ADCK2: variants seen among roughly 807,000 people sequenced by gnomAD.
The protein encoded by ADCK2 is uncharacterized aarF domain-containing protein kinase 2.
A neutral mutation model predicts 52.3 loss-of-function variants in ADCK2; 37 were observed. That is an observed-to-expected ratio of 0.71 (90% CI 0.54 to 0.93). The LOEUF (loss-of-function observed/expected upper bound fraction) is 0.93. Among genes scored for constraint, ADCK2 ranks in the 40% least tolerant of loss-of-function variants. ADCK2 has a pLI of 0.00. For missense variants in ADCK2, 695 were observed against 798.7 expected, an observed-to-expected ratio of 0.87 and a Z score of 1.56; for synonymous variants, 321 against 349.2, an observed-to-expected ratio of 0.92 and a Z score of 0.90.
At chr7:140,686,921 C>T (rs1207840702) in intron 4 of ADCK2, 69 bp from the exon 5 acceptor site, 17 of 1,574,932 alleles carry the variant, frequency 1.1e-5, no homozygotes, top group Non-Finnish European at 1.5e-5. Flanking sequence ...CACCTGGCAA[C>T]TTTCTTTCTC....
At position 140,675,481 on chromosome 7, in the gene ADCK2, A is replaced by G. The variant is rs540954977; in HGVS notation, c.1080+724A>G. 5.3e-5 allele frequency among the ~76,000 whole-genome samples: 8 copies of G among 152,164 alleles called. No individual in the cohort carries two copies. In the South Asian group the frequency reaches 1.7e-3, roughly 32 times the overall value. On this transcript the variant is annotated intron_variant, in intron 2 of 7. Coordinates refer to ENST00000072869, the MANE Select transcript of ADCK2 (RefSeq NM_052853.4). The stretch of plus-strand genomic sequence containing the variant: ...CTACTCCCTAGTTTCAGGGGACTCA[A>G]TTTCTTCCCAAGTTTGGCACTGCCT...
At chr7:140,676,609 T>C (rs1794423377) in intron 2 of ADCK2, among the ~76,000 whole-genome samples, 1 of 152,228 alleles carries the variant, frequency 6.6e-6, no homozygotes, top group African/African-American at 2.4e-5. Flanking sequence ...CTACTAAGCC[T>C]GTGTCCGTCT....
intron 4 of ADCK2, among the ~76,000 whole-genome samples, chr7:140,684,890 C>CG (rs1794579472): frequency 6.6e-6 from 1 of 152,004 alleles, no homozygotes; most frequent in South Asian, 2.1e-4. Context: ...AGTCAGAACC[C>CG]GGTGGCAAGA....
At chr7:140,694,614 C>T in intron 7 of ADCK2, 49 bp from the exon 8 acceptor site, 1 of 1,566,926 alleles carries the variant, frequency 6.4e-7, no homozygotes, top group Non-Finnish European at 8.7e-7. Context: ...GAACACACGT[C>T]CCTGTATCAG....
chr7:140,689,752 G>A (rs761924961), intron 6 of ADCK2, 27 bp downstream of exon 6: 2 of 1,593,488 alleles, frequency 1.3e-6, no homozygotes, highest in Non-Finnish European at 1.7e-6. Context: ...CGGAACAGGG[G>A]CTGGGGAGTC....
At chr7:140,676,937 C>T (rs1300159083) in intron 2 of ADCK2, among the ~76,000 whole-genome samples, 5 of 152,152 alleles carry the variant, frequency 3.3e-5, no homozygotes, top group South Asian at 2.1e-4. Flanking sequence ...GTGGGAGAAT[C>T]GCTTGAATCT....
intron 4 of ADCK2, 53 bp from the exon 5 acceptor site, chr7:140,686,926 TTTCTCTGTAGG>T (rs1400556233): frequency 1.0e-5 from 16 of 1,579,346 alleles, no homozygotes. Flanking sequence ...GGCAACTTTC[TTTCTCTGTAGG>T]TTGGTGGTGC....
intron 4 of ADCK2, among the ~76,000 whole-genome samples, chr7:140,682,517 G>C (rs1794533655): frequency 6.6e-6 from 1 of 152,074 alleles, no homozygotes; most frequent in Non-Finnish European, 1.5e-5. Context: ...ACCACAAAGG[G>C]TCTAGTAAAT....
At chr7:140,682,397 C>A (rs999165701) in intron 4 of ADCK2, among the ~76,000 whole-genome samples, 3 of 151,922 alleles carry the variant, frequency 2.0e-5, no homozygotes, top group African/African-American at 7.3e-5. Flanking sequence ...GCATGGTGCT[C>A]TTGGAGAGAC....
At chr7:140,682,397 C>T (rs999165701) in intron 4 of ADCK2, among the ~76,000 whole-genome samples, 6 of 151,922 alleles carry the variant, frequency 3.9e-5, no homozygotes, top group African/African-American at 1.5e-4. Flanking sequence ...GCATGGTGCT[C>T]TTGGAGAGAC....
In ADCK2 at chr7:140,691,877, C is replaced by T. The variant is rs576808228; in HGVS notation, c.1740+1064C>T. ...GCCTGCTGCTGGGTCCTCCCGCCTC[C>T]GTGGCTCACTCTGAGCATCTGCTCC... On this transcript the variant is annotated intron_variant, in intron 7 of 7. Transcript: ENST00000072869. Among the ~76,000 whole-genome samples, 9 of 152,324 alleles carry T rather than the reference C, an allele frequency of 5.9e-5. No individual in the cohort carries two copies. The South Asian group carries it at 6.2e-4, about 11-fold the overall frequency.
chr7:140,684,648 G>A (rs1056811903), intron 4 of ADCK2, among the ~76,000 whole-genome samples: 1 of 152,200 alleles, frequency 6.6e-6, no homozygotes. Flanking sequence ...GGCACGTCTG[G>A]AGTCCCCGCA....
chr7:140,692,008 C>G (rs565445357), intron 7 of ADCK2, among the ~76,000 whole-genome samples: 1 of 152,344 alleles, frequency 6.6e-6, no homozygotes, highest in Non-Finnish European at 1.5e-5. Flanking sequence ...AGCTACTGCA[C>G]TCCAAGCACT....
At chr7:140,683,203 T>C (rs1346110500) in intron 4 of ADCK2, among the ~76,000 whole-genome samples, 1 of 151,982 alleles carries the variant, frequency 6.6e-6, no homozygotes, top group East Asian at 1.9e-4. Flanking sequence ...CGGAATTGCT[T>C]GAACCCAGGA....
chr7:140,687,338 G>C (rs1263220510), intron 5 of ADCK2, 97 bp downstream of exon 5: 1 of 1,439,982 alleles, frequency 6.9e-7, no homozygotes, highest in Non-Finnish European at 9.2e-7. Flanking sequence ...CCAGCACTTT[G>C]GAAGCCTGAG....
At chr7:140,680,959 A>C in intron 3 of ADCK2, 83 bp from the exon 4 acceptor site, 1 of 1,189,944 alleles carries the variant, frequency 8.4e-7, no homozygotes, top group Non-Finnish European at 1.3e-6. Context: ...GTGAGAAGAC[A>C]GCGCTGTGGT....
At chr7:140,675,040 C>G (rs1319437589) in intron 2 of ADCK2, among the ~76,000 whole-genome samples, 2 of 151,986 alleles carry the variant, frequency 1.3e-5, no homozygotes, top group Admixed American at 1.3e-4. Flanking sequence ...GCCAGGAGTT[C>G]GAGATCAGCC....
At chr7:140,679,026 C>T (rs1205768965) in intron 2 of ADCK2, 129 bp from the exon 3 acceptor site, 1 of 1,247,372 alleles carries the variant, frequency 8.0e-7, no homozygotes, top group African/African-American at 1.5e-5. Flanking sequence ...AGTTTCTGGG[C>T]AAGTTCTGCG....
In ADCK2 at chr7:140,681,034, T is replaced by G. The variant is rs774475181; in HGVS notation, c.1210-8T>G. The G allele has an allele frequency of 5.0e-6, 8 of 1,613,734 alleles. No individual in the cohort carries two copies. The highest frequency in any genetic ancestry group is 8.5e-7 in the Non-Finnish European group (1 of 1,179,754). On this transcript the variant is annotated splice_polypyrimidine_tract_variant and splice_region_variant and intron_variant, in intron 3 of 7. Transcript: ENST00000072869. ...GATTAAGCTGTTCTCTCCCTGGTCT[T>G]TCTGAAGGAGAGTGTGCCTGTGTCC...
Sources: gnomAD v4.1 joint callset for allele counts (sites outside exome capture counted in the v4.1 genomes callset) on GRCh38, gnomAD v4.1.1 for gene constraint, MANE v1.5 for transcripts, NCBI Gene and HGNC (gene_info 2026-07-23, HGNC 2026-07-21) for gene names.